The following FAM177A1 variants were observed in gnomAD, a reference collection of about 807,000 sequenced individuals.
The protein encoded by FAM177A1 is family with sequence similarity 177 member A1, also known as protein FAM177A1.
A neutral mutation model predicts 26.1 loss-of-function variants in FAM177A1; 22 were observed. That is an observed-to-expected ratio of 0.84 (90% CI 0.60 to 1.20). The LOEUF (loss-of-function observed/expected upper bound fraction) is 1.20. Among genes scored for constraint, FAM177A1 ranks in the 50% most tolerant of loss-of-function variants. FAM177A1 has a pLI of 0.00. For missense variants in FAM177A1, 296 were observed against 291.1 expected, an observed-to-expected ratio of 1.02 and a Z score of -0.12; for synonymous variants, 95 against 99.3, an observed-to-expected ratio of 0.96 and a Z score of 0.26.
intron 4 of FAM177A1, among the ~76,000 whole-genome samples, chr14:35,080,366 A>G (rs1424689136): frequency 6.6e-6 from 1 of 152,238 alleles, no homozygotes; most frequent in East Asian, 1.9e-4. Flanking sequence ...GAATAGACTG[A>G]CACCCTACAA....
chr14:35,060,976 T>C (rs555917356), intron 2 of FAM177A1, among the ~76,000 whole-genome samples: 46 of 152,228 alleles, frequency 3.0e-4, no homozygotes, highest in Non-Finnish European at 5.7e-4. Context: ...CATATAACTA[T>C]TATTACAGTG....
In FAM177A1 at chr14:35,081,178, A is replaced by C. The variant is rs746678300; in HGVS notation, c.661A>C (p.Ser221Arg). Residue 221 changes from serine (S) to arginine (R), a missense_variant, in exon 5 of 5, where the codon AGT (serine) becomes CGT (arginine). Transcript: ENST00000280987. ...VNVNFEMEGDSEVIMESKQNP... is the reference protein window; with the variant it reads ...VNVNFEMEGDREVIMESKQNP... ...TGTCAATTTTGAAATGGAGGGAGAC[A>C]GTGAAGTAATTATGGAAAGCAAGCA... 3 of 1,613,718 alleles carry C rather than the reference A, an allele frequency of 1.9e-6. No homozygotes were observed. The highest frequency in any genetic ancestry group is 2.5e-6 in the Non-Finnish European group (3 of 1,179,856).
At chr14:35,070,235 A>C (rs2045300443) in intron 2 of FAM177A1, among the ~76,000 whole-genome samples, 1 of 150,304 alleles carries the variant, frequency 6.7e-6, no homozygotes. Flanking sequence ...CATGTTGGCC[A>C]GGATGATCTC....
At chr14:35,066,475 G>T (rs932203953) in intron 2 of FAM177A1, among the ~76,000 whole-genome samples, 1 of 148,554 alleles carries the variant, frequency 6.7e-6, no homozygotes, top group Non-Finnish European at 1.5e-5. Context: ...GCGTAATCTC[G>T]GCTCACTGCA....
chr14:35,051,994 ATCTT>A (rs2044979254), intron 1 of FAM177A1, among the ~76,000 whole-genome samples: 1 of 152,216 alleles, frequency 6.6e-6, no homozygotes, highest in Admixed American at 6.5e-5. Context: ...AACCACAAGA[ATCTT>A]TATAGAGAAC....
intron 2 of FAM177A1, among the ~76,000 whole-genome samples, chr14:35,071,712 A>G (rs181997024): frequency 1.3e-4 from 20 of 152,302 alleles, no homozygotes; most frequent in Admixed American, 7.9e-4. Context: ...GATATTATCA[A>G]TTATTCTCGC....
rs1281896614 is a variant in FAM177A1, at chr14:35,081,244, A to G, written c.*16A>G. On this transcript the variant is annotated 3_prime_UTR_variant, in exon 5 of 5. Coordinates refer to ENST00000280987, the MANE Select transcript of FAM177A1 (RefSeq NM_173607.5). ...CCCACCATAAAATGAAATGACTATC[A>G]AGCTTCAAACTCTTAAGTTTTTTTT... The G allele has an allele frequency of 6.3e-7, 1 of 1,595,384 alleles. No individual in the cohort carries two copies. Among genetic ancestry groups the G allele is most frequent in the Non-Finnish European group, 8.5e-7 (1 of 1,174,556 alleles).
chr14:35,059,411 T>C (rs2045114571), intron 2 of FAM177A1, among the ~76,000 whole-genome samples: 1 of 152,198 alleles, frequency 6.6e-6, no homozygotes, highest in Admixed American at 6.5e-5. Context: ...TTTATGTTGA[T>C]TTAGTTGGAT....
At chr14:35,048,536 A>G (rs1456588675) in intron 1 of FAM177A1, among the ~76,000 whole-genome samples, 1 of 149,832 alleles carries the variant, frequency 6.7e-6, no homozygotes, top group Non-Finnish European at 1.5e-5. Flanking sequence ...CTGGAATTTT[A>G]TCATTCAATA....
In FAM177A1 at chr14:35,083,011, C is replaced by T. The variant is rs918276563; in HGVS notation, c.*1783C>T. 2.6e-5 allele frequency: 4 copies of T among 152,088 alleles called. No individual in the cohort carries two copies. Among genetic ancestry groups the T allele is most frequent in the African/African-American group, 9.7e-5 (4 of 41,410 alleles). 9.4% of individuals were successfully genotyped at this position (152,088 alleles called of 1,614,324 possible). Reference sequence around the variant, plus strand: ...TTAATCTTTTGATTATATAATGTCCCATGAATTATAGTTTACCAATAGTTC... The same window carrying T: ...TTAATCTTTTGATTATATAATGTCCTATGAATTATAGTTTACCAATAGTTC... On this transcript the variant is annotated 3_prime_UTR_variant, in exon 5 of 5. Coordinates refer to ENST00000280987, the MANE Select transcript of FAM177A1 (RefSeq NM_173607.5).
rs905834051 is a variant in FAM177A1, at chr14:35,046,360, C to G, written c.-104C>G. On this transcript the variant is annotated 5_prime_UTR_variant, in exon 1 of 5. Coordinates refer to ENST00000280987, the MANE Select transcript of FAM177A1 (RefSeq NM_173607.5). ...CCCGCCCCTCAGGCCGGCGAGTCCCCTTCTCAGAGACTTGGCTAGGCGCGG... is the reference window on the plus strand; with the variant it reads ...CCCGCCCCTCAGGCCGGCGAGTCCCGTTCTCAGAGACTTGGCTAGGCGCGG... 2.3e-6 allele frequency: 3 copies of G among 1,324,770 alleles called. No homozygotes were observed. Among genetic ancestry groups the G allele is most frequent in the African/African-American group, 3.1e-5 (2 of 63,868 alleles). The allele number at this position is 1,324,770 out of a possible 1,614,324, so 82.1% of individuals were successfully genotyped here.
intron 2 of FAM177A1, among the ~76,000 whole-genome samples, chr14:35,061,515 ATTTC>A (rs2045155803): frequency 2.3e-5 from 2 of 86,142 alleles, no homozygotes; most frequent in Admixed American, 1.4e-4. Flanking sequence ...TTTTTTTCTC[ATTTC>A]TTTTTTTTTT....
At chr14:35,076,341 G>T (rs2045395139) in intron 2 of FAM177A1, among the ~76,000 whole-genome samples, 1 of 151,698 alleles carries the variant, frequency 6.6e-6, no homozygotes, top group Non-Finnish European at 1.5e-5. Context: ...CTATTGCAAG[G>T]ACAGAAAACC....
At chr14:35,079,101 A>G (rs970463256) in intron 4 of FAM177A1, 77 bp downstream of exon 4, 29 of 1,035,640 alleles carry the variant, frequency 2.8e-5, no homozygotes, top group Non-Finnish European at 3.9e-5. Flanking sequence ...GAGCCTATGT[A>G]TTTTCTAACT....
rs377404411 is a variant in FAM177A1, at chr14:35,077,232, T to C, written c.406+16T>C. The C allele has an allele frequency of 2.3e-5, 37 of 1,610,288 alleles. No homozygotes were observed. Among genetic ancestry groups the C allele is most frequent in the Non-Finnish European group, 2.6e-5 (31 of 1,176,790 alleles). On this transcript the variant is annotated intron_variant, in intron 3 of 4. Transcript: ENST00000280987. ...ACTCTCTCAGGTATTGCTTTTCTGC[T>C]TGAATATTGTATAATTGCTGTAACA... is the stretch of plus-strand genomic sequence containing the variant.
At position 35,046,606 on chromosome 14, in the gene FAM177A1, CATTCGGGGA is replaced by C; in HGVS notation, c.146_154del (p.Phe49_Glu51del). 1 of 1,550,744 alleles carries C rather than the reference CATTCGGGGA, an allele frequency of 6.4e-7. No individual in the cohort carries two copies. ...GCCTCGGGAGCTGCGGCCGCCGCGG[CATTCGGGGA>C]ATCTGCAGGGCAGGTAGGTGGGGCC... On this transcript the variant is annotated inframe_deletion, in exon 1 of 5. Coordinates refer to ENST00000280987, the MANE Select transcript of FAM177A1 (RefSeq NM_173607.5).
At chr14:35,047,157 C>G (rs1033443041) in intron 1 of FAM177A1, 2 of 287,678 alleles carry the variant, frequency 7.0e-6, no homozygotes, top group Non-Finnish European at 1.0e-5. Context: ...AAATAGAATG[C>G]AAGCTGCATT....
intron 2 of FAM177A1, among the ~76,000 whole-genome samples, chr14:35,066,662 C>T (rs2045245879): frequency 6.6e-6 from 1 of 152,156 alleles, no homozygotes; most frequent in Admixed American, 6.6e-5. Flanking sequence ...GCCTCAGCCT[C>T]CCAAAGTGCT....
intron 1 of FAM177A1, 129 bp downstream of exon 1, chr14:35,046,757 T>A (rs2044873317): frequency 1.4e-6 from 2 of 1,401,222 alleles, no homozygotes; most frequent in Non-Finnish European, 1.9e-6. Context: ...TCCTCCTCAC[T>A]GCACCCCTGT....
Sources: gnomAD v4.1 joint callset for allele counts (sites outside exome capture counted in the v4.1 genomes callset) on GRCh38, gnomAD v4.1.1 for gene constraint, MANE v1.5 for transcripts, NCBI Gene and HGNC (gene_info 2026-07-23, HGNC 2026-07-21) for gene names.